The following MYO7A variants were observed in gnomAD, a reference collection of about 807,000 sequenced individuals.
MYO7A encodes myosin VIIA, also known as unconventional myosin-VIIa.
MYO7A carries 210 observed loss-of-function variants against 263.8 expected under a neutral mutation model. The observed-to-expected ratio is 0.80, with a 90% CI of 0.71 to 0.89. MYO7A has a LOEUF of 0.89. Among genes scored for constraint, MYO7A ranks in the 40% least tolerant of loss-of-function variants. MYO7A has a pLI of 0.00. For missense variants in MYO7A, 2,820 were observed against 2,968.3 expected, an observed-to-expected ratio of 0.95 and a Z score of 1.16; for synonymous variants, 1,239 against 1,197.3, an observed-to-expected ratio of 1.03 and a Z score of -0.72.
intron 4 of MYO7A, among the ~76,000 whole-genome samples, chr11:77,150,248 C>T (rs1219665026): frequency 1.3e-5 from 2 of 152,350 alleles, no homozygotes; most frequent in Middle Eastern, 3.4e-3. Context: ...CTCAGCATAG[C>T]TCAGGGGCAT....
At chr11:77,198,205 C>T (rs900813770) in intron 33 of MYO7A, among the ~76,000 whole-genome samples, 1 of 152,220 alleles carries the variant, frequency 6.6e-6, no homozygotes, top group African/African-American at 2.4e-5. Flanking sequence ...AACCCTGGGC[C>T]TCAGTCCAAC....
At chr11:77,163,305 G>T (rs1555070474) in intron 14 of MYO7A, among the ~76,000 whole-genome samples, 1 of 151,950 alleles carries the variant, frequency 6.6e-6, no homozygotes, top group Non-Finnish European at 1.5e-5. Flanking sequence ...CTTTCTGTCT[G>T]TGAGTTTGAC....
intron 27 of MYO7A, among the ~76,000 whole-genome samples, chr11:77,185,212 G>T (rs1555087749): frequency 6.6e-6 from 1 of 152,164 alleles, no homozygotes; most frequent in African/African-American, 2.4e-5. Flanking sequence ...TGAAGGTCGA[G>T]GTGGCTGCGA....
intron 3 of MYO7A, 85 bp from the exon 4 acceptor site, chr11:77,147,713 C>T (rs1951671916): frequency 1.9e-6 from 3 of 1,549,230 alleles, no homozygotes; most frequent in Admixed American, 1.9e-5. Flanking sequence ...GCACTCACCC[C>T]GCGCTCCCGC....
At chr11:77,136,385 C>T (rs541710990) in intron 2 of MYO7A, among the ~76,000 whole-genome samples, 3 of 152,308 alleles carry the variant, frequency 2.0e-5, no homozygotes, top group Admixed American at 6.5e-5. Context: ...TCTCAGTAGT[C>T]GTTCTGGAAC....
At position 77,193,051 on chromosome 11, in the gene MYO7A, G is replaced by GGTGATGGTGTTGGTGATGGTGGAGGTA. The variant is rs1956289595; in HGVS notation, c.4152+776_4152+802dup. ...TGGTGTTGTTGGTGATGGTGGAGGTGGTGATGGTGTTGGTGATGGTGGAGG... is the reference window on the plus strand; with the variant it reads ...TGGTGTTGTTGGTGATGGTGGAGGTGGTGATGGTGTTGGTGATGGTGGAGGTAGTGATGGTGTTGGTGATGGTGGAGG... On this transcript the variant is annotated intron_variant, in intron 31 of 48. Transcript: ENST00000409709. Among the ~76,000 whole-genome samples, 2 of 84,444 alleles carry GGTGATGGTGTTGGTGATGGTGGAGGTA rather than the reference G, an allele frequency of 2.4e-5. 1 individual carries two copies. The highest frequency in any genetic ancestry group is 4.2e-5 in the Non-Finnish European group (2 of 48,192). The allele number at this position is 84,444 out of a possible 152,430, so 55.4% of individuals were successfully genotyped here.
intron 41 of MYO7A, 122 bp from the exon 42 acceptor site, chr11:77,207,167 G>A: frequency 1.6e-6 from 1 of 639,976 alleles, no homozygotes; most frequent in Non-Finnish European, 2.7e-6. Context: ...CCAGCTCTGT[G>A]CCCACAGGAG....
chr11:77,148,077 G>T, intron 4 of MYO7A, 127 bp downstream of exon 4: 1 of 872,368 alleles, frequency 1.1e-6, no homozygotes, highest in South Asian at 2.0e-5. Context: ...GACTTTGTCC[G>T]CTGTGCAGCT....
intron 30 of MYO7A, chr11:77,191,323 A>AAAAC (rs758545888): frequency 6.3e-6 from 1 of 158,000 alleles, no homozygotes; most frequent in Non-Finnish European, 1.4e-5. Flanking sequence ...CCATCTCAAA[A>AAAAC]AAACAAACAA....
intron 26 of MYO7A, 43 bp from the exon 27 acceptor site, chr11:77,184,545 A>G: frequency 6.6e-7 from 1 of 1,516,686 alleles, no homozygotes; most frequent in Non-Finnish European, 9.0e-7. Flanking sequence ...TGGCAGGGGA[A>G]CACCCCTAAC....
chr11:77,211,830 GCCT>G lies in MYO7A; in HGVS notation c.6248_6250del (p.Ala2083_Tyr2084delinsAsp). On this transcript the variant is annotated inframe_deletion, in exon 46 of 49. Transcript: ENST00000409709. ...CGCCCTGTCCCCATAGTCCATCGTCGCCTACTTCAACAAGCACGCAGGGAAGTC... is the reference window on the plus strand; with the variant it reads ...CGCCCTGTCCCCATAGTCCATCGTCGACTTCAACAAGCACGCAGGGAAGTC... The G allele has an allele frequency of 6.2e-7, 1 of 1,613,776 alleles. No individual in the cohort carries two copies.
At position 77,161,010 on chromosome 11, in the gene MYO7A, A is replaced by G. The variant is rs1185932120; in HGVS notation, c.1238A>G (p.Lys413Arg). The change falls in exon 12 of 49, where the codon AAG becomes AGG. Residue 413 changes from lysine (K) to arginine (R), a missense_variant. Physicochemically the swap from Lys to Arg is conservative, Grantham distance 26. Transcript: ENST00000409709. ...CGGCTGTTCGTGTGGATTGTGGACAAGATCAACGCAGCAATTTACAAGCCT... is the reference window on the plus strand; with the variant it reads ...CGGCTGTTCGTGTGGATTGTGGACAGGATCAACGCAGCAATTTACAAGCCT... The part of the protein sequence containing the change: ...YGRLFVWIVD[K>R]INAAIYKPPS... 1.9e-6 allele frequency: 3 copies of G among 1,612,534 alleles called. No homozygotes were observed. The highest frequency in any genetic ancestry group is 1.7e-5 in the Admixed American group (1 of 59,794).
intron 42 of MYO7A, among the ~76,000 whole-genome samples, chr11:77,208,121 G>A (rs1396498795): frequency 1.3e-5 from 2 of 152,334 alleles, no homozygotes; most frequent in Non-Finnish European, 2.9e-5. Context: ...GGAGGAGCTG[G>A]ACATGGATGC....
intron 33 of MYO7A, among the ~76,000 whole-genome samples, chr11:77,198,045 C>T (rs868556652): frequency 5.9e-5 from 9 of 152,364 alleles, no homozygotes; most frequent in East Asian, 1.9e-4. Flanking sequence ...CCTGCTGGGC[C>T]GACTCTGTGA....
In MYO7A at chr11:77,182,601, G is replaced by A. The variant is rs1555085610; in HGVS notation, c.3285+1G>A. On this transcript the variant is annotated splice_donor_variant, in intron 25 of 48. Transcript: ENST00000409709. LOFTEE classifies it high-confidence loss of function. ...GCAGGCCCTGCAGGGCGAGGGCGAG[G>A]TGAGGCCAAGGTGCCCTCTGGATGA... 1 of 1,612,840 alleles carries A rather than the reference G, an allele frequency of 6.2e-7. No homozygotes were observed. The highest frequency in any genetic ancestry group is 1.1e-5 in the South Asian group (1 of 91,066).
chr11:77,201,545 C>A lies in MYO7A; in HGVS notation c.4950C>A (p.Asn1650Lys). Residue 1650 changes from asparagine (N) to lysine (K), a missense_variant, in exon 36 of 49, where the codon AAC becomes AAA. Coordinates refer to ENST00000409709, the MANE Select transcript of MYO7A (RefSeq NM_000260.4). ...AGGTCATGAACTCGGGCTGGGCCAA[C>A]GGCATCAATGAGAGGACCAAGCAGC... ...GEQVMNSGWA[N>K]GINERTKQRG... 1.2e-6 allele frequency: 2 copies of A among 1,613,862 alleles called. No individual in the cohort carries two copies. Among genetic ancestry groups the A allele is most frequent in the Non-Finnish European group, 1.7e-6 (2 of 1,179,884 alleles).
intron 46 of MYO7A, 31 bp downstream of exon 46, chr11:77,211,968 G>A (rs1957918232): frequency 6.4e-7 from 1 of 1,552,954 alleles, no homozygotes; most frequent in Admixed American, 1.7e-5. Context: ...AGCAGAGGAG[G>A]AGGGGAACAG....
At chr11:77,198,403 G>A (rs1232093140) in intron 33 of MYO7A, 92 bp from the exon 34 acceptor site, 3 of 1,507,072 alleles carry the variant, frequency 2.0e-6, no homozygotes, top group Non-Finnish European at 2.7e-6. Context: ...ATAGAAATCA[G>A]TGTATTGCCA....
At position 77,206,108 on chromosome 11, in the gene MYO7A, G is replaced by A. The variant is rs111033215; in HGVS notation, c.5648G>A (p.Arg1883Gln). Residue 1883 changes from arginine to glutamine, a missense_variant, in exon 41 of 49, where the codon CGG becomes CAG. Physicochemically the swap from Arg to Gln is conservative, Grantham distance 43 (BLOSUM62 1). Transcript: ENST00000409709. ...TGCTGCCTTTTCAGAAACGGGTCCC[G>A]GAAGTACCCTCCGCACCTGGTGGAG... ...RLQKALRNGS[R>Q]KYPPHLVEVE... 31 of 1,612,222 alleles carry A rather than the reference G, an allele frequency of 1.9e-5. No individual in the cohort carries two copies. The highest frequency in any genetic ancestry group is 1.0e-4 in the Admixed American group (6 of 59,838).
Sources: gnomAD v4.1 joint callset for allele counts (sites outside exome capture counted in the v4.1 genomes callset) on GRCh38, gnomAD v4.1.1 for gene constraint, MANE v1.5 for transcripts, NCBI Gene and HGNC (gene_info 2026-07-23, HGNC 2026-07-21) for gene names.